The following ADGRL3 variants were observed in gnomAD, a reference collection of about 807,000 sequenced individuals.
ADGRL3 encodes the protein calcium-independent alpha-latrotoxin receptor 3.
In ADGRL3, 62 loss-of-function variants were observed where a neutral mutation model predicts 153.5. That is an observed-to-expected ratio of 0.40 (90% CI 0.33 to 0.50). The LOEUF is 0.50. ADGRL3 is among the 20% of genes least tolerant of loss of function. The pLI, the probability that ADGRL3 is intolerant of heterozygous loss-of-function variation, is 0.47. For synonymous variants in ADGRL3, 710 were observed against 672.5 expected, an observed-to-expected ratio of 1.06 and a Z score of -0.86; for missense variants, 1,641 against 1,859.4, an observed-to-expected ratio of 0.88 and a Z score of 2.16.
intron 13 of ADGRL3, among the ~76,000 whole-genome samples, chr4:61,925,586 A>G (rs778771773): frequency 6.6e-6 from 1 of 152,112 alleles, no homozygotes; most frequent in Non-Finnish European, 1.5e-5. Context: ...TACTCATGGA[A>G]GAAGGCAAAG....
intron 5 of ADGRL3, among the ~76,000 whole-genome samples, chr4:61,601,364 T>C (rs1375164986): frequency 6.6e-6 from 1 of 152,184 alleles, no homozygotes; most frequent in African/African-American, 2.4e-5. Flanking sequence ...AACACAATCT[T>C]AATTTTAGTA....
intron 3 of ADGRL3, among the ~76,000 whole-genome samples, chr4:61,514,877 A>C (rs1286354876): frequency 6.6e-6 from 1 of 152,000 alleles, no homozygotes; most frequent in Admixed American, 6.6e-5. Context: ...GATTTTTTTC[A>C]TTTAGATACA....
chr4:61,502,626 T>C (rs2098399489), intron 3 of ADGRL3, among the ~76,000 whole-genome samples: 2 of 152,104 alleles, frequency 1.3e-5, no homozygotes, highest in African/African-American at 2.4e-5. Flanking sequence ...AAAAGAATGA[T>C]CAGATGCATA....
At chr4:61,407,075 A>G (rs2097010227) in intron 2 of ADGRL3, among the ~76,000 whole-genome samples, 1 of 152,092 alleles carries the variant, frequency 6.6e-6, no homozygotes, top group African/African-American at 2.4e-5. Flanking sequence ...TAATTATACA[A>G]ATAATTCAGC....
At chr4:61,912,641 T>C (rs2098726994) in intron 12 of ADGRL3, 78 bp from the exon 13 acceptor site, 1 of 1,311,110 alleles carries the variant, frequency 7.6e-7, no homozygotes, top group African/African-American at 1.5e-5. Context: ...AGATGTGTTC[T>C]TTTATTTTTC....
intron 8 of ADGRL3, among the ~76,000 whole-genome samples, chr4:61,752,459 A>G (rs2096768939): frequency 1.3e-5 from 2 of 151,992 alleles, no homozygotes; most frequent in Non-Finnish European, 2.9e-5. Context: ...AGTAGACTGG[A>G]GAAATGTTGG....
At chr4:61,775,853 C>T (rs1160438535) in intron 8 of ADGRL3, 5 of 499,226 alleles carry the variant, frequency 1.0e-5, no homozygotes, top group Non-Finnish European at 1.1e-5. Flanking sequence ...TCGGCCATGG[C>T]GGTGGGTTAC....
At chr4:61,844,866 GTCTC>G (rs1356530232) in intron 9 of ADGRL3, among the ~76,000 whole-genome samples, 1 of 151,718 alleles carries the variant, frequency 6.6e-6, no homozygotes, top group Non-Finnish European at 1.5e-5. Flanking sequence ...GTGTATTTAT[GTCTC>G]TCTAACACTG....
chr4:61,787,190 A>G (rs781443961), intron 8 of ADGRL3, among the ~76,000 whole-genome samples: 1 of 152,068 alleles, frequency 6.6e-6, no homozygotes, highest in Non-Finnish European at 1.5e-5. Context: ...TGAAGGTATC[A>G]TTTTTCTCTA....
chr4:61,614,968 A>G (rs1036349939), intron 5 of ADGRL3, among the ~76,000 whole-genome samples: 1 of 152,174 alleles, frequency 6.6e-6, no homozygotes, highest in African/African-American at 2.4e-5. Flanking sequence ...AGAAATAAGT[A>G]TAGGAATGAT....
At chr4:61,829,751 A>C (rs1412761605) in intron 9 of ADGRL3, among the ~76,000 whole-genome samples, 1 of 152,180 alleles carries the variant, frequency 6.6e-6, no homozygotes, top group Non-Finnish European at 1.5e-5. Context: ...TAGTTAGTTA[A>C]CTGTGGCACT....
intron 9 of ADGRL3, among the ~76,000 whole-genome samples, chr4:61,816,625 C>CA (rs2097691287): frequency 6.6e-6 from 1 of 152,068 alleles, no homozygotes. Flanking sequence ...AATCAAACGA[C>CA]AAAAAAACTG....
At chr4:61,214,051 G>C (rs57554118) in intron 1 of ADGRL3, among the ~76,000 whole-genome samples, 4,163 of 152,078 alleles carry the variant, frequency 0.027, 203 homozygotes, top group African/African-American at 0.094. Flanking sequence ...ACTAATTCTT[G>C]GTTATGTATA....
At chr4:61,251,512 A>G (rs1759253472) in intron 1 of ADGRL3, among the ~76,000 whole-genome samples, 1 of 152,220 alleles carries the variant, frequency 6.6e-6, no homozygotes, top group Non-Finnish European at 1.5e-5. Context: ...TCCCAGATTC[A>G]AGGTGAAAGG....
At chr4:61,456,395 A>C (rs1219271631) in intron 2 of ADGRL3, among the ~76,000 whole-genome samples, 1 of 109,554 alleles carries the variant, frequency 9.1e-6, no homozygotes, top group Non-Finnish European at 1.9e-5. Context: ...ATATAGATAT[A>C]TCTATATCTA....
chr4:61,295,538 A>G (rs943366541), intron 1 of ADGRL3, among the ~76,000 whole-genome samples: 2 of 152,188 alleles, frequency 1.3e-5, no homozygotes, highest in African/African-American at 2.4e-5. Flanking sequence ...CAAGTATAAA[A>G]GTACTAAACT....
intron 5 of ADGRL3, among the ~76,000 whole-genome samples, chr4:61,660,907 A>G (rs903429976): frequency 6.6e-6 from 1 of 152,112 alleles, no homozygotes; most frequent in Non-Finnish European, 1.5e-5. Context: ...TTGTCTTTAG[A>G]AACCCTGTTT....
At chr4:61,378,297 T>G (rs1488505678) in intron 1 of ADGRL3, among the ~76,000 whole-genome samples, 2 of 152,026 alleles carry the variant, frequency 1.3e-5, no homozygotes, top group African/African-American at 4.8e-5. Flanking sequence ...TTATCATTGA[T>G]TTTTGTGGAG....
intron 4 of ADGRL3, among the ~76,000 whole-genome samples, chr4:61,559,418 C>A (rs1456714374): frequency 1.3e-5 from 2 of 151,930 alleles, no homozygotes; most frequent in African/African-American, 4.8e-5. Context: ...TTGTTTATGG[C>A]CTGACTAGAT....
Sources: gnomAD v4.1 joint callset for allele counts (sites outside exome capture counted in the v4.1 genomes callset) on GRCh38, gnomAD v4.1.1 for gene constraint, MANE v1.5 for transcripts, NCBI Gene and HGNC (gene_info 2026-07-23, HGNC 2026-07-21) for gene names.